Variants in CNTNAP2 observed in about 807,000 individuals in gnomAD.
The protein encoded by CNTNAP2 is contactin-associated protein-like 2.
In CNTNAP2, 98 loss-of-function variants were observed where a neutral mutation model predicts 155.2. The observed-to-expected ratio is 0.63, with a 90% CI of 0.54 to 0.75. The LOEUF (loss-of-function observed/expected upper bound fraction) is 0.75. Ranked by LOEUF, CNTNAP2 falls within the 30% of genes least tolerant of loss-of-function variation. The pLI, the probability that CNTNAP2 is intolerant of heterozygous loss-of-function variation, is 0.00. For synonymous variants in CNTNAP2, 651 were observed against 631.2 expected (o/e 1.03, Z -0.47); for missense variants, 1,727 against 1,688.1 (o/e 1.02, Z -0.40).
chr7:147,931,700 A>G (rs1563139395), intron 14 of CNTNAP2, among the ~76,000 whole-genome samples: 1 of 152,202 alleles, frequency 6.6e-6, no homozygotes, highest in Non-Finnish European at 1.5e-5. Context: ...AAAGACTTGT[A>G]TGCTGAAAAC....
chr7:147,102,034 T>C (rs888223321), intron 4 of CNTNAP2, among the ~76,000 whole-genome samples: 4 of 152,044 alleles, frequency 2.6e-5, no homozygotes, highest in African/African-American at 9.7e-5. Flanking sequence ...GACCAAAGGA[T>C]GAGAATTGGT....
intron 13 of CNTNAP2, among the ~76,000 whole-genome samples, chr7:147,709,118 C>T (rs1796363696): frequency 6.6e-6 from 1 of 152,138 alleles, no homozygotes; most frequent in Non-Finnish European, 1.5e-5. Flanking sequence ...CAGGATCTGT[C>T]TCAGTTTTCA....
intron 6 of CNTNAP2, among the ~76,000 whole-genome samples, chr7:147,126,442 A>C (rs938609518): frequency 6.6e-6 from 1 of 152,144 alleles, no homozygotes; most frequent in Non-Finnish European, 1.5e-5. Flanking sequence ...CTGTGGTCCA[A>C]CCAGTTTATT....
chr7:146,270,856 C>A (rs948013886), intron 1 of CNTNAP2, among the ~76,000 whole-genome samples: 3 of 151,998 alleles, frequency 2.0e-5, no homozygotes, highest in African/African-American at 7.2e-5. Flanking sequence ...CTTAAAGGGT[C>A]AATTATTGCA....
intron 1 of CNTNAP2, among the ~76,000 whole-genome samples, chr7:146,729,100 A>G (rs1801481519): frequency 6.6e-6 from 1 of 152,180 alleles, no homozygotes; most frequent in East Asian, 1.9e-4. Context: ...CAGTTGAAGT[A>G]TTACACTTTC....
chr7:147,657,253 CTG>C (rs1233593060), intron 13 of CNTNAP2, among the ~76,000 whole-genome samples: 3 of 148,664 alleles, frequency 2.0e-5, no homozygotes, highest in Non-Finnish European at 4.5e-5. Flanking sequence ...TAAAAGTTGA[CTG>C]TCATCACTAA....
intron 11 of CNTNAP2, among the ~76,000 whole-genome samples, chr7:147,536,520 G>T (rs1261065147): frequency 1.3e-5 from 2 of 152,160 alleles, no homozygotes; most frequent in East Asian, 3.9e-4. Flanking sequence ...GACCCCAGCT[G>T]CCTTGTGCCC....
At chr7:147,142,028 A>G (rs563507155) in intron 8 of CNTNAP2, among the ~76,000 whole-genome samples, 1 of 152,250 alleles carries the variant, frequency 6.6e-6, no homozygotes, top group Admixed American at 6.5e-5. Context: ...AACAGTGACA[A>G]TTTGACTTCC....
intron 4 of CNTNAP2, among the ~76,000 whole-genome samples, chr7:147,102,778 T>C (rs1026323832): frequency 5.3e-5 from 8 of 152,278 alleles, no homozygotes; most frequent in South Asian, 2.1e-4. Context: ...ATAGATACAT[T>C]GAAAAAAAGA....
intron 10 of CNTNAP2, among the ~76,000 whole-genome samples, chr7:147,416,491 A>G (rs1797196095): frequency 6.6e-6 from 1 of 152,226 alleles, no homozygotes; most frequent in African/African-American, 2.4e-5. Flanking sequence ...ATACAACTCC[A>G]GTGTTCACAG....
At chr7:147,352,460 A>G (rs1795983646) in intron 9 of CNTNAP2, among the ~76,000 whole-genome samples, 1 of 151,990 alleles carries the variant, frequency 6.6e-6, no homozygotes, top group Non-Finnish European at 1.5e-5. Context: ...TGGCATATTC[A>G]ATAAAAGTTG....
intron 1 of CNTNAP2, among the ~76,000 whole-genome samples, chr7:146,585,737 AGAAAAAGAAAGAAG>A (rs1016467505): frequency 6.7e-6 from 1 of 148,480 alleles, no homozygotes; most frequent in African/African-American, 2.6e-5. Context: ...GAAGAAAGAA[AGAAAAAGAAAGAAG>A]GAAAGAAAGA....
At chr7:147,611,048 A>G (rs1433610283) in intron 12 of CNTNAP2, among the ~76,000 whole-genome samples, 1 of 151,928 alleles carries the variant, frequency 6.6e-6, no homozygotes, top group Non-Finnish European at 1.5e-5. Context: ...CCCATTTAGC[A>G]TATTTGAACC....
intron 19 of CNTNAP2, among the ~76,000 whole-genome samples, chr7:148,228,833 A>ACAAAC (rs1270649660): frequency 3.3e-5 from 5 of 151,574 alleles, no homozygotes; most frequent in African/African-American, 1.2e-4. Context: ...GTTTCAAAAA[A>ACAAAC]AAAAAAAAAA....
At chr7:147,648,563 C>A (rs10263605) in intron 13 of CNTNAP2, among the ~76,000 whole-genome samples, 31,935 of 152,096 alleles carry the variant, frequency 0.21, 3,529 homozygotes, top group Middle Eastern at 0.27. Flanking sequence ...GAGGAGGCCT[C>A]ACAATCATGA....
At chr7:148,293,275 A>G (rs778645967) in intron 21 of CNTNAP2, among the ~76,000 whole-genome samples, 2 of 152,160 alleles carry the variant, frequency 1.3e-5, no homozygotes, top group African/African-American at 4.8e-5. Context: ...ATAGCAACCA[A>G]AAAATCTGCA....
chr7:146,927,550 A>G (rs140947864), intron 3 of CNTNAP2, among the ~76,000 whole-genome samples: 2,077 of 152,266 alleles, frequency 0.014, 15 homozygotes, highest in South Asian at 0.026. Context: ...TACAATTTGT[A>G]TAAAGATATA....
intron 14 of CNTNAP2, among the ~76,000 whole-genome samples, chr7:147,928,987 G>T (rs1038831199): frequency 3.3e-5 from 5 of 150,364 alleles, no homozygotes; most frequent in Non-Finnish European, 5.9e-5. Flanking sequence ...AGCTACTCAG[G>T]AGGCTGAGGC....
chr7:146,309,416 G>A (rs1012041888), intron 1 of CNTNAP2, among the ~76,000 whole-genome samples: 1 of 152,166 alleles, frequency 6.6e-6, no homozygotes, highest in South Asian at 2.1e-4. Context: ...GCATCTTAGC[G>A]GCCAGTGGTC....
Sources: allele counts gnomAD v4.1 joint callset (sites outside exome capture counted in the v4.1 genomes callset), GRCh38; gene constraint gnomAD v4.1.1; transcripts MANE v1.5; gene names NCBI Gene and HGNC (gene_info 2026-07-23, HGNC 2026-07-21).